Variants in CLPB observed in about 807,000 individuals in gnomAD.
CLPB encodes the protein mitochondrial disaggregase.
In CLPB, 40 loss-of-function variants were observed where a neutral mutation model predicts 78.4. That is an observed-to-expected ratio of 0.51 (90% CI 0.40 to 0.66). The LOEUF (loss-of-function observed/expected upper bound fraction) is 0.66. CLPB is among the 30% of genes least tolerant of loss of function. CLPB has a pLI of 0.00. For synonymous variants in CLPB, 333 were observed against 348.0 expected (o/e 0.96, Z 0.48); for missense variants, 780 against 886.9 (o/e 0.88, Z 1.53).
At chr11:72,307,055 G>C in intron 9 of CLPB, 144 bp downstream of exon 9, 1 of 636,138 alleles carries the variant, frequency 1.6e-6, no homozygotes, top group Admixed American at 3.1e-5. Flanking sequence ...GGCCAAGTTG[G>C]GGCCAGAGCT....
At chr11:72,386,237 G>C (rs994885580) in intron 3 of CLPB, among the ~76,000 whole-genome samples, 2 of 152,026 alleles carry the variant, frequency 1.3e-5, no homozygotes, top group African/African-American at 4.8e-5. Context: ...TAGTCAGGAT[G>C]AATTTTTTTA....
At chr11:72,301,757 T>G (rs745619150) in intron 11 of CLPB, 46 bp downstream of exon 11, 1 of 1,591,132 alleles carries the variant, frequency 6.3e-7, no homozygotes, top group East Asian at 2.2e-5. Flanking sequence ...CAGTCCCCCT[T>G]ATCTCCAGGT....
chr11:72,298,018 G>C (rs780227561), intron 11 of CLPB, among the ~76,000 whole-genome samples: 5 of 152,120 alleles, frequency 3.3e-5, no homozygotes, highest in Non-Finnish European at 7.3e-5. Context: ...CTAACAACCA[G>C]AGCGTGCACA....
chr11:72,431,187 G>C (rs907321529), intron 1 of CLPB, among the ~76,000 whole-genome samples: 1 of 152,152 alleles, frequency 6.6e-6, no homozygotes, highest in Non-Finnish European at 1.5e-5. Context: ...AAGAAAATTG[G>C]ACTGACTCAG....
intron 7 of CLPB, among the ~76,000 whole-genome samples, chr11:72,308,987 C>T (rs996473684): frequency 2.6e-5 from 4 of 152,156 alleles, no homozygotes; most frequent in East Asian, 1.9e-4. Flanking sequence ...AGTGGGACTA[C>T]GGGCCGCCTC....
Position 72,298,204 on chromosome 11 carries a change from T to G in CLPB, c.1330-2556A>C, listed in dbSNP as rs894840549. ...CCAGCAGTAGACCTGCTTGGTGCTTTGATGAGAGCAATAGGGTTCTTACTT... is the reference window on the plus strand; with the variant it reads ...CCAGCAGTAGACCTGCTTGGTGCTTGGATGAGAGCAATAGGGTTCTTACTT... On this transcript the variant is annotated intron_variant, in intron 11 of 15. Coordinates refer to ENST00000538039, the MANE Select transcript of CLPB (RefSeq NM_001258392.3). Among the ~76,000 whole-genome samples, 7 of 152,188 alleles carry G rather than the reference T, an allele frequency of 4.6e-5. No individual in the cohort carries two copies. In the East Asian group the frequency reaches 1.4e-3, roughly 30 times the overall value.
At chr11:72,377,753 T>C (rs767080481) in intron 4 of CLPB, among the ~76,000 whole-genome samples, 6 of 151,604 alleles carry the variant, frequency 4.0e-5, no homozygotes, top group Non-Finnish European at 7.4e-5. Flanking sequence ...AACCTTGAAC[T>C]AGGAATGCGA....
intron 2 of CLPB, among the ~76,000 whole-genome samples, chr11:72,413,061 G>T (rs1389578607): frequency 6.6e-6 from 1 of 152,150 alleles, no homozygotes; most frequent in Non-Finnish European, 1.5e-5. Context: ...GGCCAAGGCA[G>T]GCGAGTCACC....
chr11:72,295,603 CGTCCTTGCAATCAATG>C lies in CLPB; in HGVS notation c.1359_1374del (p.Ile454ProfsTer5). The C allele has an allele frequency of 6.2e-7, 1 of 1,614,070 alleles. No homozygotes were observed. The highest frequency in any genetic ancestry group is 8.5e-7 in the Non-Finnish European group (1 of 1,180,006). ...ACATTGGAGGTCATGATGAAGATGGCGTCCTTGCAATCAATGGTCTTCCCTTTTCCATCTGTCAGCC... is the reference window on the plus strand; with the variant it reads ...ACATTGGAGGTCATGATGAAGATGGCGTCTTCCCTTTTCCATCTGTCAGCC... On this transcript the variant is annotated frameshift_variant, in exon 12 of 16. Coordinates refer to ENST00000538039, the MANE Select transcript of CLPB (RefSeq NM_001258392.3). LOFTEE classifies it high-confidence loss of function.
At chr11:72,310,700 G>C (rs1261287342) in intron 7 of CLPB, among the ~76,000 whole-genome samples, 7 of 152,226 alleles carry the variant, frequency 4.6e-5, no homozygotes. Flanking sequence ...AACAAGTTGA[G>C]CATGAACTGA....
intron 4 of CLPB, among the ~76,000 whole-genome samples, chr11:72,374,382 T>C (rs1476396676): frequency 2.0e-5 from 3 of 152,202 alleles, no homozygotes; most frequent in Admixed American, 2.0e-4. Flanking sequence ...AGAGCTTAGA[T>C]GAATCATTCA....
At position 72,336,887 on chromosome 11, in the gene CLPB, C is replaced by A. The variant is rs1364517492; in HGVS notation, c.776-7083G>T. 68 of 390,680 alleles carry A rather than the reference C, an allele frequency of 1.7e-4. 1 individual carries two copies. In the East Asian group the frequency reaches 2.4e-3, roughly 14 times the overall value. 24.2% of individuals were successfully genotyped at this position (390,680 alleles called of 1,614,324 possible). A position where few individuals can be genotyped will look rare whatever the true frequency, so the allele number is the denominator to read the frequency against. ...GTGTCCACGCTCAGCTCCACTCTGT[C>A]CCCACCTGTGGTCTCTCCGATTACC... On this transcript the variant is annotated intron_variant, in intron 5 of 15. Coordinates refer to ENST00000538039, the MANE Select transcript of CLPB (RefSeq NM_001258392.3).
intron 3 of CLPB, among the ~76,000 whole-genome samples, chr11:72,400,533 T>C (rs768361362): frequency 6.6e-6 from 1 of 152,212 alleles, no homozygotes; most frequent in Non-Finnish European, 1.5e-5. Context: ...TTAAGCATCG[T>C]GTTGTTTCCT....
At chr11:72,371,466 T>C (rs185443554) in intron 4 of CLPB, among the ~76,000 whole-genome samples, 272 of 151,046 alleles carry the variant, frequency 1.8e-3, no homozygotes, top group Admixed American at 3.6e-3. Context: ...GAGGCGGAGG[T>C]TGCAGAGAGC....
At chr11:72,328,754 G>A (rs573650104) in intron 6 of CLPB, among the ~76,000 whole-genome samples, 1 of 152,232 alleles carries the variant, frequency 6.6e-6, no homozygotes, top group African/African-American at 2.4e-5. Context: ...CTGTAGTCAA[G>A]CCTATTATGT....
intron 2 of CLPB, among the ~76,000 whole-genome samples, chr11:72,406,083 T>C (rs1386839149): frequency 3.3e-5 from 5 of 152,154 alleles, no homozygotes; most frequent in Admixed American, 3.3e-4. Flanking sequence ...AAAGAAATTA[T>C]AAAATTAACC....
intron 7 of CLPB, among the ~76,000 whole-genome samples, chr11:72,316,605 T>C (rs1259791867): frequency 1.3e-5 from 2 of 152,144 alleles, no homozygotes; most frequent in East Asian, 3.8e-4. Context: ...GAGAAGACAC[T>C]CAAAAGTTGC....
At position 72,419,797 on chromosome 11, in the gene CLPB, C is replaced by G. The variant is rs181387836; in HGVS notation, c.455+10515G>C. On this transcript the variant is annotated intron_variant, in intron 2 of 15. Transcript: ENST00000538039. The stretch of plus-strand genomic sequence containing the variant: ...GGCTGTCACAGGCTCTCCTGATTCT[C>G]TGTGTCCTTCCTTTGCAGCATTTGT... 1.2e-4 allele frequency among the ~76,000 whole-genome samples: 18 copies of G among 152,342 alleles called. No individual in the cohort carries two copies. The East Asian group carries it at 3.5e-3, about 29-fold the overall frequency.
rs1369307667 is a variant in CLPB at position 72,409,124 on chromosome 11, G to A, written c.456-6072C>T. Among the ~76,000 whole-genome samples the A allele has an allele frequency of 1.2e-4, 19 of 152,248 alleles. 1 individual carries two copies. The highest frequency in any genetic ancestry group is 1.2e-3 in the Admixed American group (19 of 15,286). On this transcript the variant is annotated intron_variant, in intron 2 of 15. Transcript: ENST00000538039. Reference sequence around the variant, plus strand: ...CTCAGGGCAGAACAGCCTGTGTCCAGGGGCTAGAGAGGCAGGGTGGGCATA... The same window carrying A: ...CTCAGGGCAGAACAGCCTGTGTCCAAGGGCTAGAGAGGCAGGGTGGGCATA...
Sources: gnomAD v4.1 joint callset for allele counts (sites outside exome capture counted in the v4.1 genomes callset) on GRCh38, gnomAD v4.1.1 for gene constraint, MANE v1.5 for transcripts, NCBI Gene and HGNC (gene_info 2026-07-23, HGNC 2026-07-21) for gene names.